BCCIP: variants seen among roughly 807,000 people sequenced by gnomAD.
BCCIP encodes BRCA2 and CDKN1A interacting protein, also known as BRCA2 and CDKN1A-interacting protein.
In BCCIP, 23 loss-of-function variants were observed where a neutral mutation model predicts 32.8. That is an observed-to-expected ratio of 0.70 (90% confidence interval 0.51 to 0.99). The LOEUF is 0.99. Ranked by LOEUF, BCCIP falls within the 50% of genes least tolerant of loss-of-function variation. The pLI is 0.00. For missense variants in BCCIP, 378 were observed against 379.8 expected, an observed-to-expected ratio of 1.00 and a Z score of 0.04; for synonymous variants, 144 against 137.6, an observed-to-expected ratio of 1.05 and a Z score of -0.33.
At chr10:125,840,533 A>G (rs1854848043), downstream of BCCIP, among the ~76,000 whole-genome samples, 1 of 152,222 alleles carries the variant, frequency 6.6e-6, no homozygotes, top group African/African-American at 2.4e-5. Flanking sequence ...CTTCCTCCAA[A>G]GACCCATGTA....
chr10:125,827,906 G>A (rs1854435885), intron 3 of BCCIP, among the ~76,000 whole-genome samples: 1 of 144,802 alleles, frequency 6.9e-6, no homozygotes, highest in African/African-American at 2.6e-5. Flanking sequence ...AGAAGTTGAA[G>A]GCCATGGTGA....
At chr10:125,849,071 C>T (rs1227170268) in intron 7 of BCCIP, among the ~76,000 whole-genome samples, 2 of 152,210 alleles carry the variant, frequency 1.3e-5, no homozygotes, top group African/African-American at 4.8e-5. Flanking sequence ...TTCCACCTTT[C>T]ATCCCAGCTT....
chr10:125,852,521 G>A lies in BCCIP; in HGVS notation c.851-604G>A, dbSNP rs762558209. On this transcript the variant is annotated intron_variant, in intron 7 of 7. Transcript: ENST00000368759. Reference sequence around the variant, plus strand: ...TGCATACAAGAATTGACAACATTTAGTATTTGTGTCCACAGCACTACCTGA... The same window carrying A: ...TGCATACAAGAATTGACAACATTTAATATTTGTGTCCACAGCACTACCTGA... 14 of 1,613,002 alleles carry A rather than the reference G, an allele frequency of 8.7e-6. No individual in the cohort carries two copies. In the Middle Eastern group the frequency reaches 9.9e-4, roughly 114 times the overall value.
At chr10:125,837,588 G>A (rs537547120), downstream of BCCIP, among the ~76,000 whole-genome samples, 2 of 152,166 alleles carry the variant, frequency 1.3e-5, no homozygotes, top group African/African-American at 2.4e-5. Flanking sequence ...CACCACACCC[G>A]GCTAATTTTT....
intron 6 of BCCIP, among the ~76,000 whole-genome samples, chr10:125,835,504 G>A (rs377657576): frequency 4.6e-5 from 7 of 151,302 alleles, no homozygotes; most frequent in Non-Finnish European, 1.0e-4. Flanking sequence ...GTGTGAACCC[G>A]GGAGGCAGAG....
downstream of BCCIP, among the ~76,000 whole-genome samples, chr10:125,845,720 C>A (rs1300360415): frequency 1.3e-5 from 2 of 152,240 alleles, no homozygotes; most frequent in East Asian, 3.9e-4. Flanking sequence ...ATTTTCAACT[C>A]CCTGCCCACT....
chr10:125,842,178 C>T (rs993616313), exon 7 of BCCIP: 11 of 455,398 alleles, frequency 2.4e-5, no homozygotes, highest in East Asian at 1.4e-4. Context: ...AGTGTGCATG[C>T]GGGGGGAACC....
chr10:125,840,963 G>C (rs772734640), downstream of BCCIP: 3 of 1,609,630 alleles, frequency 1.9e-6, no homozygotes, highest in East Asian at 4.5e-5. Context: ...AGCCTCTTCA[G>C]CTCCATGTGG....
At chr10:125,835,022 A>C (rs1854627221) in intron 6 of BCCIP, among the ~76,000 whole-genome samples, 1 of 151,042 alleles carries the variant, frequency 6.6e-6, no homozygotes, top group Non-Finnish European at 1.5e-5. Flanking sequence ...AGTCCCAGCT[A>C]CTCGGGAGGC....
Position 125,836,104 on chromosome 10 carries a change from A to T in BCCIP, c.775A>T (p.Lys259Ter). ...ANAEEEFFYE[K>*]AILKFNYSVQ... Reference sequence around the variant, plus strand: ...ATTCATGGTTACTTATTTGGTTTAGAAGGCAATTCTCAAGTTCAACTACTC... The same window carrying T: ...ATTCATGGTTACTTATTTGGTTTAGTAGGCAATTCTCAAGTTCAACTACTC... Residue 259 changes from lysine to a stop codon, truncating the protein, a stop_gained and splice_region_variant, in exon 7 of 7, where the codon AAG (lysine) becomes TAG (stop). Transcript: ENST00000278100. LOFTEE classifies it high-confidence loss of function. 5.6e-6 allele frequency: 9 copies of T among 1,609,360 alleles called. No individual in the cohort carries two copies. The highest frequency in any genetic ancestry group is 7.7e-6 in the Non-Finnish European group (9 of 1,176,372).
chr10:125,831,849 G>C (rs917093602), intron 5 of BCCIP, among the ~76,000 whole-genome samples: 2 of 152,154 alleles, frequency 1.3e-5, no homozygotes, highest in Admixed American at 6.5e-5. Flanking sequence ...TATATAAGTA[G>C]ATAATTTCAT....
At chr10:125,826,377 C>T (rs777711136) in intron 1 of BCCIP, 1 of 640,202 alleles carries the variant, frequency 1.6e-6, no homozygotes, top group Non-Finnish European at 2.4e-6. Context: ...TCCTTTGTGG[C>T]TGCCGTGTCT....
intron 3 of BCCIP, among the ~76,000 whole-genome samples, chr10:125,829,888 C>T (rs1295801980): frequency 2.0e-5 from 3 of 152,208 alleles, no homozygotes; most frequent in Admixed American, 6.5e-5. Flanking sequence ...ACTGTGGCTT[C>T]TTGGGATTCT....
chr10:125,831,480 G>C lies in BCCIP; in HGVS notation c.472G>C (p.Glu158Gln). 3 of 1,614,178 alleles carry C rather than the reference G, an allele frequency of 1.9e-6. No individual in the cohort carries two copies. The highest frequency in any genetic ancestry group is 2.5e-6 in the Non-Finnish European group (3 of 1,180,024). The change falls in exon 5 of 7, where the codon GAA becomes CAA. Residue 158 changes from glutamate to glutamine, a missense_variant. Transcript: ENST00000278100. Reference protein sequence around the residue: ...LVLRFCEKNCEKSMVEQLDKF... With the variant: ...LVLRFCEKNCQKSMVEQLDKF... ...TCTACGCTTCTGTGAGAAGAACTGT[G>C]AAAAGAGCATGGTTGAACAGCTGGA...
intron 4 of BCCIP, 145 bp downstream of exon 4, chr10:125,830,796 T>C: frequency 1.6e-6 from 1 of 607,194 alleles, no homozygotes. Context: ...TGTAATCCTT[T>C]TTCAATATGA....
downstream of BCCIP, chr10:125,838,413 A>C: frequency 6.5e-7 from 1 of 1,540,516 alleles, no homozygotes; most frequent in Non-Finnish European, 8.7e-7. Context: ...TTAAAGAAAA[A>C]AGATTTTGTA....
downstream of BCCIP, among the ~76,000 whole-genome samples, chr10:125,839,974 CTT>C (rs1854825771): frequency 6.6e-6 from 1 of 152,226 alleles, no homozygotes; most frequent in African/African-American, 2.4e-5. Context: ...CCACTGACAA[CTT>C]TTTCTTCTCA....
chr10:125,846,076 A>G (rs149671328), downstream of BCCIP, among the ~76,000 whole-genome samples: 1 of 152,314 alleles, frequency 6.6e-6, no homozygotes, highest in East Asian at 1.9e-4. Flanking sequence ...GTTCTGGGGA[A>G]GACTATCGGC....
chr10:125,848,300 G>T (rs1262518087), intron 7 of BCCIP, among the ~76,000 whole-genome samples: 1 of 152,180 alleles, frequency 6.6e-6, no homozygotes, highest in African/African-American at 2.4e-5. Context: ...ACAGGGACAT[G>T]TTCCCAAAAC....
Sources: allele counts gnomAD v4.1 joint callset (sites outside exome capture counted in the v4.1 genomes callset), GRCh38; gene constraint gnomAD v4.1.1; transcripts MANE v1.5; gene names NCBI Gene and HGNC (gene_info 2026-07-23, HGNC 2026-07-21).